Variants in RRP12 observed in about 807,000 individuals in gnomAD.
The protein encoded by RRP12 is RRP12-like protein.
RRP12 carries 78 observed loss-of-function variants against 157.3 expected under a neutral mutation model. The observed-to-expected ratio is 0.50, with a 90% CI of 0.41 to 0.60. The LOEUF (loss-of-function observed/expected upper bound fraction) is 0.60, where lower values mean the gene tolerates loss of function less well. Among genes scored for constraint, RRP12 ranks in the 20% least tolerant of loss-of-function variants. The pLI is 0.00. For synonymous variants in RRP12, 726 were observed against 670.9 expected, an observed-to-expected ratio of 1.08 and a Z score of -1.27; for missense variants, 1,521 against 1,679.9, an observed-to-expected ratio of 0.91 and a Z score of 1.65.
At chr10:97,371,424 A>C in intron 20 of RRP12, 1 of 296,176 alleles carries the variant, frequency 3.4e-6, no homozygotes, top group Non-Finnish European at 6.4e-6. Flanking sequence ...CAAGACTGAC[A>C]ACTCCTTGCT....
intron 8 of RRP12, among the ~76,000 whole-genome samples, chr10:97,386,989 C>T (rs987663615): frequency 2.1e-5 from 3 of 143,604 alleles, no homozygotes; most frequent in African/African-American, 7.6e-5. Context: ...GACTCCATCA[C>T]AAAAAAAAAA....
chr10:97,371,307 G>C (rs1174124409), intron 20 of RRP12: 6 of 593,014 alleles, frequency 1.0e-5, no homozygotes, highest in East Asian at 2.8e-5. Context: ...CACTCACCCA[G>C]CTCTGGACAG....
At chr10:97,398,077 T>C (rs1187030566) in intron 2 of RRP12, among the ~76,000 whole-genome samples, 1 of 65,120 alleles carries the variant, frequency 1.5e-5, no homozygotes, top group Admixed American at 1.7e-4. Context: ...AGATGGAGTC[T>C]CGCTCTGTTG....
intron 33 of RRP12, among the ~76,000 whole-genome samples, chr10:97,358,239 A>G (rs1199384886): frequency 6.6e-6 from 1 of 152,156 alleles, no homozygotes; most frequent in African/African-American, 2.4e-5. Flanking sequence ...AGGCTGAGGC[A>G]GAAGACTAGC....
rs1299082895 is a variant in RRP12, at chr10:97,390,366, C to A, written c.753+57G>T. 6 of 1,360,824 alleles carry A rather than the reference C, an allele frequency of 4.4e-6. No homozygotes were observed. In the Admixed American group the frequency reaches 6.7e-5, roughly 15 times the overall value. 84.3% of individuals were successfully genotyped at this position (1,360,824 alleles called of 1,614,324 possible). A position where few individuals can be genotyped will look rare whatever the true frequency, so the allele number is the denominator to read the frequency against. ...CTCAGCTAGCCAAGTCTGGGCTGCACTGGGCTGAGTGGTGGCTGTCCCCTT... is the reference window on the plus strand; with the variant it reads ...CTCAGCTAGCCAAGTCTGGGCTGCAATGGGCTGAGTGGTGGCTGTCCCCTT... On this transcript the variant is annotated intron_variant, in intron 6 of 33. Transcript: ENST00000370992.
intron 10 of RRP12, 51 bp downstream of exon 10, chr10:97,385,115 C>A: frequency 7.9e-7 from 1 of 1,266,948 alleles, no homozygotes; most frequent in Non-Finnish European, 1.1e-6. Flanking sequence ...CTGAGCACCC[C>A]CACCTCAACA....
chr10:97,365,494 TG>T (rs1448650829), intron 29 of RRP12, among the ~76,000 whole-genome samples: 2 of 152,008 alleles, frequency 1.3e-5, no homozygotes, highest in African/African-American at 2.4e-5. Flanking sequence ...AGAATGGTCT[TG>T]ATCTCCTGAC....
At chr10:97,390,159 G>T (rs1249313943) in intron 6 of RRP12, among the ~76,000 whole-genome samples, 1 of 152,186 alleles carries the variant, frequency 6.6e-6, no homozygotes, top group African/African-American at 2.4e-5. Context: ...GAGGTAAATA[G>T]ACATATGGGG....
intron 3 of RRP12, among the ~76,000 whole-genome samples, chr10:97,395,321 T>TG (rs1844927870): frequency 1.0e-4 from 14 of 135,970 alleles, no homozygotes; most frequent in African/African-American, 2.8e-4. Flanking sequence ...GAGGCTGAGG[T>TG]AGGGGGGATC....
intron 15 of RRP12, among the ~76,000 whole-genome samples, chr10:97,376,889 T>C (rs893533610): frequency 6.6e-6 from 1 of 151,374 alleles, no homozygotes; most frequent in Non-Finnish European, 1.5e-5. Context: ...TTCTTTTTTT[T>C]TTTTTTTTGA....
chr10:97,385,361 C>T (rs2133077715), intron 9 of RRP12, 104 bp from the exon 10 acceptor site: 2 of 896,564 alleles, frequency 2.2e-6, no homozygotes, highest in Non-Finnish European at 3.6e-6. Flanking sequence ...GGGGACAGTG[C>T]TTGTGACCCT....
intron 30 of RRP12, 64 bp downstream of exon 30, chr10:97,363,790 G>A (rs1843903049): frequency 7.2e-7 from 1 of 1,397,248 alleles, no homozygotes; most frequent in Admixed American, 1.7e-5. Context: ...TGGTGGGGGT[G>A]AGAAGCTGTG....
At position 97,370,292 on chromosome 10, in the gene RRP12, C is replaced by T. The variant is rs374880166; in HGVS notation, c.2690-18G>A. ...CAGGGCCTCTGGGGACAGAGACCAA[C>T]GTGGGTCAAGCAGGAAGGACCCACC... On this transcript the variant is annotated intron_variant, in intron 23 of 33. Coordinates refer to ENST00000370992, the MANE Select transcript of RRP12 (RefSeq NM_015179.4). 7.0e-6 allele frequency: 11 copies of T among 1,560,890 alleles called. No individual in the cohort carries two copies. Among genetic ancestry groups the T allele is most frequent in the African/African-American group, 1.4e-5 (1 of 74,050 alleles).
chr10:97,370,868 T>C, intron 21 of RRP12, 55 bp downstream of exon 21: 24 of 1,610,882 alleles, frequency 1.5e-5, no homozygotes, highest in Non-Finnish European at 1.8e-5. Flanking sequence ...CAGTGGCTCC[T>C]TTCCTGGTGT....
intron 4 of RRP12, 71 bp from the exon 5 acceptor site, chr10:97,390,915 C>T (rs1844786145): frequency 9.7e-7 from 1 of 1,027,582 alleles, no homozygotes; most frequent in Non-Finnish European, 1.5e-6. Flanking sequence ...CCTCGTGGTA[C>T]TAAGGAGGAC....
chr10:97,377,721 G>GT (rs2133061620), intron 15 of RRP12, among the ~76,000 whole-genome samples: 1 of 151,812 alleles, frequency 6.6e-6, no homozygotes, highest in Admixed American at 6.6e-5. Flanking sequence ...GCAGGTGCTT[G>GT]TAATCCCAGC....
intron 10 of RRP12, 78 bp from the exon 11 acceptor site, chr10:97,381,904 GC>G (rs912502578): frequency 3.0e-6 from 3 of 992,100 alleles, no homozygotes; most frequent in Admixed American, 2.4e-5. Context: ...GGCTGAGACG[GC>G]CCAGCTCTGA....
Position 97,388,258 on chromosome 10 carries a change from G to C in RRP12, c.1011C>G (p.Ser337Arg). The change falls in exon 8 of 34, where the codon AGC (serine) becomes AGG (arginine). Residue 337 changes from serine (S) to arginine (R), a missense_variant. Transcript: ENST00000370992. The stretch of plus-strand genomic sequence containing the variant: ...CTTTTGGGCCTGAGCTCACCACATG[G>C]CTCAAGGTCATGACCCTGAGGAGAG... ...SETLLRVMTLSHVLVTACAMQ... is the reference protein window; with the variant it reads ...SETLLRVMTLRHVLVTACAMQ... The C allele has an allele frequency of 6.2e-7, 1 of 1,613,954 alleles. No homozygotes were observed. Among genetic ancestry groups the C allele is most frequent in the Non-Finnish European group, 8.5e-7 (1 of 1,180,012 alleles).
At chr10:97,366,408 G>A (rs768300822) in intron 28 of RRP12, 38 bp downstream of exon 28, 3 of 1,574,028 alleles carry the variant, frequency 1.9e-6, no homozygotes, top group Non-Finnish European at 2.6e-6. Flanking sequence ...ACCATGGCAA[G>A]TCTGTTTTCT....
Sources: gnomAD v4.1 joint callset for allele counts (sites outside exome capture counted in the v4.1 genomes callset) on GRCh38, gnomAD v4.1.1 for gene constraint, MANE v1.5 for transcripts, NCBI Gene and HGNC (gene_info 2026-07-23, HGNC 2026-07-21) for gene names.